FBXW11: variants seen among roughly 807,000 people sequenced by gnomAD.
The protein encoded by FBXW11 is F-box/WD repeat-containing protein 11.
Under a neutral mutation model 77.6 loss-of-function variants are expected in FBXW11, and 19 were observed. The ratio of observed to expected loss-of-function variants is 0.24; its 90% CI spans 0.17 to 0.36. The LOEUF (loss-of-function observed/expected upper bound fraction) is 0.36, where lower values mean the gene tolerates loss of function less well. FBXW11 is among the 10% of genes least tolerant of loss of function. The pLI is 1.00. For synonymous variants in FBXW11, 235 were observed against 249.4 expected, an observed-to-expected ratio of 0.94 and a Z score of 0.54; for missense variants, 334 against 704.2, an observed-to-expected ratio of 0.47 and a Z score of 5.95.
intron 13 of FBXW11, among the ~76,000 whole-genome samples, chr5:171,865,636 C>A (rs919645039): frequency 6.6e-6 from 1 of 152,202 alleles, no homozygotes; most frequent in African/African-American, 2.4e-5. Flanking sequence ...TAGTGGTAAA[C>A]CACGAGCAGG....
intron 1 of FBXW11, among the ~76,000 whole-genome samples, chr5:171,965,886 T>C (rs987803693): frequency 5.3e-5 from 8 of 152,184 alleles, no homozygotes; most frequent in African/African-American, 1.7e-4. Context: ...TAGGAGGTGG[T>C]TGACTCATGG....
chr5:171,909,706 T>C (rs1174694700), intron 4 of FBXW11, among the ~76,000 whole-genome samples: 7 of 152,116 alleles, frequency 4.6e-5, no homozygotes, highest in Non-Finnish European at 5.9e-5. Context: ...TGTGTGTGTG[T>C]GCACGTGCGC....
At chr5:171,971,201 A>C (rs1764510747) in intron 1 of FBXW11, among the ~76,000 whole-genome samples, 1 of 152,224 alleles carries the variant, frequency 6.6e-6, no homozygotes, top group Non-Finnish European at 1.5e-5. Context: ...TTAACAGCAG[A>C]TAGTTATGGC....
At position 171,872,976 on chromosome 5, in the gene FBXW11, G is replaced by A. The variant is rs1324969766; in HGVS notation, c.1236C>T (p.Ser412=). ...TGAGAGTACGAACAAATTCACAGGT[G>A]CTCGTGCTCCAGACCTGTATAACAA... ...GDRTIKVWST[S]TCEFVRTLNG... is the part of the protein sequence containing the mutation. Residue 412 remains serine, a synonymous_variant, in exon 10 of 14, where the codon AGC becomes AGT. Transcript: ENST00000517395. The A allele has an allele frequency of 6.2e-7, 1 of 1,613,670 alleles. No individual in the cohort carries two copies. The highest frequency in any genetic ancestry group is 1.7e-5 in the Admixed American group (1 of 59,980).
intron 2 of FBXW11, among the ~76,000 whole-genome samples, chr5:171,925,190 C>T (rs756038428): frequency 6.6e-6 from 1 of 152,202 alleles, no homozygotes; most frequent in Non-Finnish European, 1.5e-5. Context: ...AATTACCACA[C>T]ACACACTAGG....
rs1760002587 is a variant in FBXW11, at chr5:171,899,916, C to T, written c.621G>A (p.Gly207=). 2.5e-6 allele frequency: 4 copies of T among 1,605,120 alleles called. No homozygotes were observed. The African/African-American group carries it at 5.4e-5, about 22-fold the overall frequency. ...GAACAAGCAACCCAAGTACTTACCA[C>T]CCTCTTCTTTCTGAAAGTCCTTTCC... is the stretch of plus-strand genomic sequence containing the variant. ...PLWKGLSERR[G]WDQYLFKNRP... is the part of the protein sequence containing the mutation. Residue 207 remains glycine, a splice_region_variant and synonymous_variant, in exon 5 of 14, where the codon GGG becomes GGA. Coordinates refer to ENST00000517395, the MANE Select transcript of FBXW11 (RefSeq NM_001378974.1).
intron 4 of FBXW11, among the ~76,000 whole-genome samples, chr5:171,900,852 T>C (rs200685019): frequency 1.1e-3 from 165 of 152,244 alleles, no homozygotes; most frequent in African/African-American, 3.9e-3. Flanking sequence ...GATACAAGGA[T>C]ACTCTCAAAG....
intron 2 of FBXW11, among the ~76,000 whole-genome samples, chr5:171,948,234 C>CAAAAA (rs765248373): frequency 6.8e-5 from 3 of 44,328 alleles, no homozygotes; most frequent in Non-Finnish European, 1.0e-4. Flanking sequence ...GACTCCAACT[C>CAAAAA]AAAAAAAAAA....
chr5:172,006,192 G>A (rs1317784276), intron 1 of FBXW11, among the ~76,000 whole-genome samples: 1 of 152,228 alleles, frequency 6.6e-6, no homozygotes, highest in Non-Finnish European at 1.5e-5. Flanking sequence ...ACGAGCGAGG[G>A]TCGTCCGAGA....
intron 7 of FBXW11, among the ~76,000 whole-genome samples, chr5:171,884,197 C>T (rs1399570481): frequency 1.3e-5 from 2 of 152,196 alleles, no homozygotes; most frequent in African/African-American, 2.4e-5. Context: ...CCTTAATCCA[C>T]ATTGAGTTGA....
intron 2 of FBXW11, among the ~76,000 whole-genome samples, chr5:171,951,282 C>T (rs766105306): frequency 6.6e-5 from 10 of 152,050 alleles, no homozygotes; most frequent in Non-Finnish European, 1.2e-4. Flanking sequence ...CACCTGTAAT[C>T]CCAACACTTT....
chr5:171,934,520 T>C (rs904577506), intron 2 of FBXW11, among the ~76,000 whole-genome samples: 1 of 151,292 alleles, frequency 6.6e-6, no homozygotes, highest in African/African-American at 2.4e-5. Flanking sequence ...CCACTAAAAA[T>C]ACAAAAATTA....
rs998344394 is a variant in FBXW11 at position 171,870,084 on chromosome 5, T to C, written c.1452-277A>G. ...TATCTAAATTCAGTTCCGGACTTGA[T>C]AACCTATGTCACCAAATTCATTCAT... On this transcript the variant is annotated intron_variant, in intron 11 of 13. Transcript: ENST00000517395. Among the ~76,000 whole-genome samples the C allele has an allele frequency of 4.6e-5, 7 of 152,326 alleles. No individual in the cohort carries two copies. The South Asian group carries it at 1.2e-3, about 27-fold the overall frequency.
intron 2 of FBXW11, among the ~76,000 whole-genome samples, chr5:171,919,857 A>G (rs60066937): frequency 0.016 from 2,490 of 152,258 alleles, 67 homozygotes; most frequent in African/African-American, 0.057. Context: ...TCTTCCCACC[A>G]TCACAAAGAA....
At chr5:171,956,923 T>C (rs1763643860) in intron 2 of FBXW11, among the ~76,000 whole-genome samples, 1 of 152,214 alleles carries the variant, frequency 6.6e-6, no homozygotes. Context: ...GGTCACCAGC[T>C]GCACTCCTGC....
chr5:171,995,627 G>A (rs900568306), intron 1 of FBXW11, among the ~76,000 whole-genome samples: 45 of 152,032 alleles, frequency 3.0e-4, no homozygotes, highest in African/African-American at 1.0e-3. Context: ...GGTGGTGGGC[G>A]CCTGTAGTCC....
intron 2 of FBXW11, among the ~76,000 whole-genome samples, chr5:171,933,596 T>TAA (rs1762328715): frequency 6.6e-6 from 1 of 152,042 alleles, no homozygotes; most frequent in African/African-American, 2.4e-5. Context: ...TGTGTGTATG[T>TAA]GGGTAGAAGG....
chr5:171,982,890 C>T (rs1231920800), intron 1 of FBXW11, among the ~76,000 whole-genome samples: 1 of 152,024 alleles, frequency 6.6e-6, no homozygotes, highest in African/African-American at 2.4e-5. Context: ...GGAAGGCATG[C>T]CGATGTCATG....
chr5:171,927,808 C>T (rs1193926300), intron 2 of FBXW11, among the ~76,000 whole-genome samples: 1 of 152,214 alleles, frequency 6.6e-6, no homozygotes, highest in Non-Finnish European at 1.5e-5. Flanking sequence ...TTCATGCCTA[C>T]TCTGACAATT....
Sources: gnomAD v4.1 joint callset for allele counts (sites outside exome capture counted in the v4.1 genomes callset) on GRCh38, gnomAD v4.1.1 for gene constraint, MANE v1.5 for transcripts, NCBI Gene and HGNC (gene_info 2026-07-23, HGNC 2026-07-21) for gene names.